The following AK5 variants were observed in gnomAD, a reference collection of about 807,000 sequenced individuals.
AK5 encodes the protein adenylate kinase isoenzyme 5.
AK5 carries 27 observed loss-of-function variants against 69.5 expected under a neutral mutation model. That is an observed-to-expected ratio of 0.39 (90% confidence interval 0.29 to 0.54). AK5 has a LOEUF of 0.54. AK5 is among the 20% of genes least tolerant of loss of function. The pLI is 0.71. For synonymous variants in AK5, 260 were observed against 244.4 expected, an observed-to-expected ratio of 1.06 and a Z score of -0.60; for missense variants, 531 against 700.4, an observed-to-expected ratio of 0.76 and a Z score of 2.73.
intron 6 of AK5, among the ~76,000 whole-genome samples, chr1:77,406,146 T>C (rs1489970498): frequency 7.5e-6 from 1 of 133,900 alleles, no homozygotes; most frequent in East Asian, 2.0e-4. Context: ...CATATGTAGA[T>C]GTGAAAAGCA....
At chr1:77,323,802 A>G (rs1660652545) in intron 5 of AK5, among the ~76,000 whole-genome samples, 1 of 152,112 alleles carries the variant, frequency 6.6e-6, no homozygotes, top group Admixed American at 6.5e-5. Flanking sequence ...GTGTAGATAG[A>G]TATAACACAC....
chr1:77,325,037 A>G (rs1660727918), intron 5 of AK5, among the ~76,000 whole-genome samples: 1 of 147,492 alleles, frequency 6.8e-6, no homozygotes, highest in South Asian at 2.1e-4. Context: ...CAGTGGTGCA[A>G]TCTCGGCTCA....
intron 8 of AK5, among the ~76,000 whole-genome samples, chr1:77,432,590 T>C (rs1651710392): frequency 1.3e-5 from 2 of 152,176 alleles, no homozygotes; most frequent in South Asian, 4.1e-4. Flanking sequence ...ATGAATCCAG[T>C]CTTAAAGACA....
chr1:77,328,753 T>G (rs1557499967), intron 5 of AK5, among the ~76,000 whole-genome samples: 1 of 152,346 alleles, frequency 6.6e-6, no homozygotes, highest in East Asian at 1.9e-4. Context: ...TTTACTAAAG[T>G]AGTAGAACAA....
intron 5 of AK5, among the ~76,000 whole-genome samples, chr1:77,329,389 A>G (rs747718622): frequency 1.3e-5 from 2 of 152,110 alleles, no homozygotes; most frequent in Non-Finnish European, 2.9e-5. Flanking sequence ...CATGGGTCCC[A>G]TTTCCAGAGA....
At chr1:77,430,177 G>T (rs1471390864) in intron 8 of AK5, among the ~76,000 whole-genome samples, 1 of 152,042 alleles carries the variant, frequency 6.6e-6, no homozygotes, top group Non-Finnish European at 1.5e-5. Flanking sequence ...TCCAGAGTGG[G>T]AGGCTGCAGT....
intron 8 of AK5, among the ~76,000 whole-genome samples, chr1:77,443,327 T>C (rs1175415208): frequency 2.0e-5 from 3 of 152,210 alleles, no homozygotes; most frequent in Non-Finnish European, 4.4e-5. Context: ...TCCTGTATGC[T>C]ATATGCATCC....
chr1:77,326,040 G>C (rs1019604975), intron 5 of AK5, among the ~76,000 whole-genome samples: 5 of 152,126 alleles, frequency 3.3e-5, no homozygotes, highest in African/African-American at 1.2e-4. Flanking sequence ...TTGAGAACAA[G>C]ATGCACTAAA....
At chr1:77,460,348 G>A (rs931145141) in intron 8 of AK5, among the ~76,000 whole-genome samples, 2 of 152,116 alleles carry the variant, frequency 1.3e-5, no homozygotes, top group African/African-American at 4.8e-5. Context: ...AGACAAAGAA[G>A]GAATGGATAT....
rs566056818 is a variant in AK5 at position 77,445,187 on chromosome 1, A to G, written c.1059+27472A>G. On this transcript the variant is annotated intron_variant, in intron 8 of 13. Transcript: ENST00000354567. ...GCATCATATGGTAGTTCTACTTTAAATTTCTTTAGGAACCTCCATGTTGTT... is the reference window on the plus strand; with the variant it reads ...GCATCATATGGTAGTTCTACTTTAAGTTTCTTTAGGAACCTCCATGTTGTT... Among the ~76,000 whole-genome samples the G allele has an allele frequency of 4.6e-5, 7 of 152,266 alleles. No homozygotes were observed. The South Asian group carries it at 1.5e-3, about 32-fold the overall frequency.
intron 6 of AK5, chr1:77,349,554 C>A (rs1375963482): frequency 6.6e-6 from 1 of 152,110 alleles, no homozygotes; most frequent in African/African-American, 2.4e-5. Context: ...ATTTGACAGG[C>A]ATCTCTATGC....
chr1:77,508,803 G>A (rs1344808185), intron 10 of AK5, among the ~76,000 whole-genome samples: 5 of 150,972 alleles, frequency 3.3e-5, no homozygotes, highest in Non-Finnish European at 7.4e-5. Flanking sequence ...GGTGGCGGAG[G>A]TTGCAGTGAA....
chr1:77,441,544 C>T (rs969585903), intron 8 of AK5, among the ~76,000 whole-genome samples: 11 of 152,328 alleles, frequency 7.2e-5, no homozygotes, highest in African/African-American at 2.4e-4. Flanking sequence ...AGTCTCTCTG[C>T]AGCTTCTCTG....
chr1:77,295,828 A>G lies in AK5; in HGVS notation c.416-1731A>G, dbSNP rs537984934. Among the ~76,000 whole-genome samples, 4 of 152,336 alleles carry G rather than the reference A, an allele frequency of 2.6e-5. No homozygotes were observed. In the South Asian group the frequency reaches 6.2e-4, roughly 24 times the overall value. ...TTTTTGTGTGTACTATGAATTTTAT[A>G]TGAAAATGATTAAAATATTTCAATA... On this transcript the variant is annotated intron_variant, in intron 3 of 13. Coordinates refer to ENST00000354567, the MANE Select transcript of AK5 (RefSeq NM_174858.3).
intron 6 of AK5, among the ~76,000 whole-genome samples, chr1:77,407,917 A>G (rs184806489): frequency 3.9e-5 from 6 of 152,340 alleles, no homozygotes; most frequent in East Asian, 3.9e-4. Flanking sequence ...TTCACTTAGC[A>G]TAATGGCTTC....
intron 10 of AK5, among the ~76,000 whole-genome samples, chr1:77,506,907 G>A (rs1657062691): frequency 1.3e-5 from 2 of 152,020 alleles, no homozygotes; most frequent in African/African-American, 4.8e-5. Context: ...GCTGAGTCAG[G>A]AGAATCGCTT....
chr1:77,559,743 T>TATC lies in AK5; in HGVS notation c.*1075_*1077dup, dbSNP rs1553164329. ...GTGAAGTTTGGGTTCTCTTTTGTGC[T>TATC]ATCAATCAGTTGTAAAATCAGAGCT... On this transcript the variant is annotated 3_prime_UTR_variant, in exon 14 of 14. Coordinates refer to ENST00000354567, the MANE Select transcript of AK5 (RefSeq NM_174858.3). The TATC allele has an allele frequency of 2.6e-5, 4 of 152,330 alleles. No individual in the cohort carries two copies. The highest frequency in any genetic ancestry group is 4.8e-5 in the African/African-American group (2 of 41,552). 9.4% of individuals were successfully genotyped at this position (152,330 alleles called of 1,614,324 possible). A position where few individuals can be genotyped will look rare whatever the true frequency, so the allele number is the denominator to read the frequency against.
intron 5 of AK5, among the ~76,000 whole-genome samples, chr1:77,301,664 T>C (rs1659349633): frequency 6.6e-6 from 1 of 151,110 alleles, no homozygotes. Context: ...TCATCAGGTC[T>C]AGCTTTGACT....
intron 6 of AK5, among the ~76,000 whole-genome samples, chr1:77,342,682 T>A (rs1254440988): frequency 6.6e-6 from 1 of 152,226 alleles, no homozygotes; most frequent in Non-Finnish European, 1.5e-5. Flanking sequence ...AGTTTATTGC[T>A]GGAATTAAAA....
Sources: allele counts gnomAD v4.1 joint callset (sites outside exome capture counted in the v4.1 genomes callset), GRCh38; gene constraint gnomAD v4.1.1; transcripts MANE v1.5; gene names NCBI Gene and HGNC (gene_info 2026-07-23, HGNC 2026-07-21).